Variants in EPHA10 observed in about 807,000 individuals in gnomAD.
EPHA10 encodes EPH receptor A10.
In EPHA10, 120 loss-of-function variants were observed where a neutral mutation model predicts 109.7. The observed-to-expected ratio is 1.09, with a 90% CI of 0.94 to 1.27. The LOEUF (loss-of-function observed/expected upper bound fraction) is 1.27, where lower values mean the gene tolerates loss of function less well. EPHA10 is among the 50% of genes most tolerant of loss of function. EPHA10 has a pLI of 0.00. For missense variants in EPHA10, 1,396 were observed against 1,411.1 expected, an observed-to-expected ratio of 0.99 and a Z score of 0.17; for synonymous variants, 640 against 618.9, an observed-to-expected ratio of 1.03 and a Z score of -0.51.
chr1:37,718,761 C>T lies in EPHA10; in HGVS notation c.2812G>A (p.Val938Met). 1.2e-6 allele frequency: 2 copies of T among 1,613,170 alleles called. No individual in the cohort carries two copies. The highest frequency in any genetic ancestry group is 2.2e-5 in the East Asian group (1 of 44,886). Reference sequence around the variant, plus strand: ...TCCAGGGCCTCCAGCCACGCGCCCACAGAGCCAAAGGAGGGGAAGGTGGAG... The same window carrying T: ...TCCAGGGCCTCCAGCCACGCGCCCATAGAGCCAAAGGAGGGGAAGGTGGAG... ...AFSTFPSFGS[V>M]GAWLEALDLC... The change falls in exon 16 of 17, where the codon GTG (valine) becomes ATG (methionine). Residue 938 changes from valine (V) to methionine (M), a missense_variant. Physicochemically the swap from Val to Met is conservative, Grantham distance 21. Coordinates refer to ENST00000373048, the MANE Select transcript of EPHA10 (RefSeq NM_001099439.2).
intron 7 of EPHA10, among the ~76,000 whole-genome samples, chr1:37,729,776 G>C (rs879499941): frequency 6.6e-6 from 1 of 151,962 alleles, no homozygotes; most frequent in Non-Finnish European, 1.5e-5. Context: ...GGGAAGCTGA[G>C]GTGGGAGGAC....
At chr1:37,758,262 TAC>T (rs1646406199) in intron 3 of EPHA10, among the ~76,000 whole-genome samples, 1 of 152,218 alleles carries the variant, frequency 6.6e-6, no homozygotes, top group South Asian at 2.1e-4. Flanking sequence ...CCCCCCCATA[TAC>T]ACACTTGGTA....
intron 5 of EPHA10, among the ~76,000 whole-genome samples, chr1:37,738,716 A>C (rs988616121): frequency 3.3e-5 from 5 of 152,246 alleles, no homozygotes; most frequent in African/African-American, 1.2e-4. Flanking sequence ...TGTTCATTGC[A>C]GCATTATTCA....
intron 5 of EPHA10, among the ~76,000 whole-genome samples, chr1:37,749,012 T>A (rs1646282806): frequency 7.4e-6 from 1 of 135,192 alleles, no homozygotes; most frequent in South Asian, 2.5e-4. Context: ...AACCTCCACC[T>A]CCAGGGTTCA....
intron 5 of EPHA10, among the ~76,000 whole-genome samples, chr1:37,736,699 C>T (rs939349390): frequency 2.0e-5 from 3 of 151,960 alleles, no homozygotes; most frequent in African/African-American, 7.3e-5. Flanking sequence ...CAGAGCAAGA[C>T]TCCATCTCAA....
At chr1:37,726,820 G>A (rs989010971) in intron 8 of EPHA10, among the ~76,000 whole-genome samples, 4 of 152,246 alleles carry the variant, frequency 2.6e-5, no homozygotes, top group African/African-American at 9.6e-5. Context: ...GGAGCAGCCG[G>A]AGCTTGATTC....
At chr1:37,719,293 A>G in intron 15 of EPHA10, 121 bp downstream of exon 15, 1 of 1,161,820 alleles carries the variant, frequency 8.6e-7, no homozygotes, top group Non-Finnish European at 1.2e-6. Context: ...CTCTGGGGCA[A>G]TGGGGTGAAC....
chr1:37,726,043 G>C (rs542204449), intron 8 of EPHA10, among the ~76,000 whole-genome samples: 1 of 152,242 alleles, frequency 6.6e-6, no homozygotes, highest in East Asian at 1.9e-4. Flanking sequence ...CTCCGCCTCT[G>C]TAGTGCACCT....
chr1:37,722,943 T>A, intron 10 of EPHA10, 98 bp downstream of exon 10: 1 of 1,571,998 alleles, frequency 6.4e-7, no homozygotes, highest in Non-Finnish European at 8.7e-7. Flanking sequence ...TGGGTGGAGG[T>A]GGGCTTCAGG....
intron 5 of EPHA10, among the ~76,000 whole-genome samples, chr1:37,745,202 A>G (rs1410747486): frequency 1.3e-5 from 2 of 152,208 alleles, no homozygotes; most frequent in South Asian, 2.1e-4. Flanking sequence ...AAATGAACAC[A>G]AGGGTCTAGT....
At chr1:37,762,573 C>G (rs1466314121) in intron 2 of EPHA10, among the ~76,000 whole-genome samples, 1 of 144,540 alleles carries the variant, frequency 6.9e-6, no homozygotes, top group Non-Finnish European at 1.5e-5. Context: ...CAGTTCTCTC[C>G]TCACTTATTC....
chr1:37,720,028 G>C lies in EPHA10; in HGVS notation c.2443C>G (p.Pro815Ala), dbSNP rs778930454. Residue 815 changes from proline to alanine, a missense_variant, in exon 14 of 17, where the codon CCC (proline) becomes GCC (alanine). Coordinates refer to ENST00000373048, the MANE Select transcript of EPHA10 (RefSeq NM_001099439.2). ...AAGTGGCCAAACTGAAGTGTCTCGGGAGCGGCCCATAGCGCTGGGCTCCGG... is the reference window on the plus strand; with the variant it reads ...AAGTGGCCAAACTGAAGTGTCTCGGCAGCGGCCCATAGCGCTGGGCTCCGG... ...SGRSPALWAAPETLQFGHFSS... is the reference protein window; with the variant it reads ...SGRSPALWAAAETLQFGHFSS... The C allele has an allele frequency of 1.2e-6, 2 of 1,613,748 alleles. No individual in the cohort carries two copies. The highest frequency in any genetic ancestry group is 1.7e-6 in the Non-Finnish European group (2 of 1,180,018).
Position 37,753,183 on chromosome 1 carries a change from G to A in EPHA10, c.1050C>T (p.Arg350=). 2.1e-6 allele frequency: 3 copies of A among 1,398,664 alleles called. No homozygotes were observed. The highest frequency in any genetic ancestry group is 3.1e-5 in the South Asian group (2 of 64,992). The allele number at this position is 1,398,664 out of a possible 1,614,324, so 86.6% of individuals were successfully genotyped here. A position where few individuals can be genotyped will look rare whatever the true frequency, so the allele number is the denominator to read the frequency against. Residue 350 remains arginine, a synonymous_variant, in exon 5 of 17, where the codon CGC becomes CGT. Coordinates refer to ENST00000373048, the MANE Select transcript of EPHA10 (RefSeq NM_001099439.2). ...APRDLQYSLS[R]SPLVLRLRWL... is the part of the protein sequence containing the mutation. Reference sequence around the variant, plus strand: ...AGCGCAGTCGCAGCACCAGCGGCGAGCGGCTCAGGCTGTACTGCAGGTCCC... The same window carrying A: ...AGCGCAGTCGCAGCACCAGCGGCGAACGGCTCAGGCTGTACTGCAGGTCCC...
chr1:37,718,535 T>C (rs1569611194), intron 16 of EPHA10, 49 bp from the exon 17 acceptor site: 1 of 1,611,362 alleles, frequency 6.2e-7, no homozygotes, highest in East Asian at 2.2e-5. Flanking sequence ...CAACTTCTGC[T>C]CCTCCCATGA....
rs41267335 is a variant in EPHA10, at chr1:37,719,050, C to T, written c.2757-234G>A. On this transcript the variant is annotated intron_variant, in intron 15 of 16. Coordinates refer to ENST00000373048, the MANE Select transcript of EPHA10 (RefSeq NM_001099439.2). ...GCTAAAGGTATTGGCGTATCCGGAA[C>T]AGTCTGGGGTAGGACACGCCTAGGA... 9.6e-4 allele frequency: 597 copies of T among 619,672 alleles called. 1 individual carries two copies. Among genetic ancestry groups the T allele is most frequent in the South Asian group, 2.3e-3 (117 of 50,236 alleles). The allele number at this position is 619,672 out of a possible 1,614,324, so 38.4% of individuals were successfully genotyped here.
In EPHA10 at chr1:37,718,786, G is replaced by A. The variant is rs1645735558; in HGVS notation, c.2787C>T (p.Phe929=). 1 of 1,612,784 alleles carries A rather than the reference G, an allele frequency of 6.2e-7. No individual in the cohort carries two copies. Among genetic ancestry groups the A allele is most frequent in the African/African-American group, 1.3e-5 (1 of 74,950 alleles). ...RPPTPLADRA[F]STFPSFGSVG... ...CAGAGCCAAAGGAGGGGAAGGTGGA[G>A]AAGGCACGGTCCGCTAGTGGGGTGG... The change falls in exon 16 of 17, where the codon TTC becomes TTT. Residue 929 remains phenylalanine, a synonymous_variant. Transcript: ENST00000373048.
downstream of EPHA10, chr1:37,714,011 C>T (rs189042767): frequency 5.9e-5 from 9 of 152,304 alleles, no homozygotes; most frequent in Admixed American, 2.6e-4. Flanking sequence ...GGACATCTTA[C>T]ACTCAATGGC....
intron 10 of EPHA10, chr1:37,722,105 T>G: frequency 2.6e-6 from 1 of 380,502 alleles, no homozygotes; most frequent in Non-Finnish European, 4.8e-6. Context: ...CACTTCAGAC[T>G]GGGTGACAGA....
intron 1 of EPHA10, among the ~76,000 whole-genome samples, chr1:37,763,662 T>TAG (rs10607448): frequency 1.2e-4 from 18 of 150,138 alleles, no homozygotes; most frequent in South Asian, 4.2e-4. Flanking sequence ...AAGAGTCAAT[T>TAG]AGAGAGAGAG....
Sources: gnomAD v4.1 joint callset for allele counts (sites outside exome capture counted in the v4.1 genomes callset) on GRCh38, gnomAD v4.1.1 for gene constraint, MANE v1.5 for transcripts, NCBI Gene and HGNC (gene_info 2026-07-23, HGNC 2026-07-21) for gene names.